The following LRRC28 variants were observed in gnomAD, a reference collection of about 807,000 sequenced individuals.
LRRC28 encodes the protein leucine rich repeat containing 28.
A neutral mutation model predicts 45.7 loss-of-function variants in LRRC28; 39 were observed. The observed-to-expected ratio is 0.85, with a 90% CI of 0.66 to 1.12. The LOEUF (loss-of-function observed/expected upper bound fraction) is 1.12. LRRC28 is among the 50% of genes most tolerant of loss of function. The probability of loss-of-function intolerance (pLI) is 0.00; values close to 1 mark genes in which losing one functional copy is unlikely to be tolerated. For synonymous variants in LRRC28, 206 were observed against 178.8 expected, an observed-to-expected ratio of 1.15 and a Z score of -1.22; for missense variants, 435 against 438.5, an observed-to-expected ratio of 0.99 and a Z score of 0.07.
chr15:99,361,075 G>C (rs1489852363), intron 7 of LRRC28: 2 of 319,904 alleles, frequency 6.3e-6, no homozygotes, highest in Non-Finnish European at 1.1e-5. Context: ...GGCCTAAGAA[G>C]GAAAGTTCCT....
intron 5 of LRRC28, chr15:99,333,501 T>C: frequency 5.5e-6 from 1 of 181,264 alleles, no homozygotes; most frequent in South Asian, 1.3e-4. Flanking sequence ...TTCATTGCTA[T>C]TATTCATAAA....
chr15:99,280,592 C>T (rs1176995205), intron 3 of LRRC28, among the ~76,000 whole-genome samples: 1 of 151,814 alleles, frequency 6.6e-6, no homozygotes, highest in African/African-American at 2.4e-5. Flanking sequence ...ATATTTGTTC[C>T]TTTGTGTGTA....
intron 3 of LRRC28, among the ~76,000 whole-genome samples, chr15:99,277,943 A>G (rs1399137725): frequency 6.6e-6 from 1 of 152,166 alleles, no homozygotes; most frequent in Non-Finnish European, 1.5e-5. Context: ...ATCGTAAATG[A>G]ATTTTGTCAT....
intron 2 of LRRC28, among the ~76,000 whole-genome samples, chr15:99,269,898 T>C (rs1229852392): frequency 6.6e-6 from 1 of 152,110 alleles, no homozygotes; most frequent in Non-Finnish European, 1.5e-5. Context: ...ACAAAGGTAA[T>C]GGTAACTAGG....
chr15:99,362,856 C>G (rs1410050535), intron 8 of LRRC28, among the ~76,000 whole-genome samples: 2 of 152,088 alleles, frequency 1.3e-5, no homozygotes, highest in African/African-American at 2.4e-5. Flanking sequence ...TTCCTTGCCT[C>G]TACCTCAGGA....
chr15:99,287,318 GT>G, intron 4 of LRRC28, 24 bp downstream of exon 4: 1 of 1,491,880 alleles, frequency 6.7e-7, no homozygotes, highest in Non-Finnish European at 9.0e-7. Context: ...AAAAATTTTA[GT>G]TAGAAGATAA....
chr15:99,273,318 G>A (rs1195093126), intron 2 of LRRC28, among the ~76,000 whole-genome samples: 3 of 147,200 alleles, frequency 2.0e-5, no homozygotes, highest in Non-Finnish European at 2.9e-5. Context: ...CTCACTGCAA[G>A]CTCTGCCTCC....
chr15:99,302,090 G>C (rs1400498622), intron 5 of LRRC28, among the ~76,000 whole-genome samples: 1 of 148,674 alleles, frequency 6.7e-6, no homozygotes. Flanking sequence ...GCAGAGGCGC[G>C]ATCTCAGCTC....
intron 9 of LRRC28, among the ~76,000 whole-genome samples, chr15:99,370,408 G>A (rs1455760792): frequency 6.6e-6 from 1 of 152,168 alleles, no homozygotes; most frequent in Admixed American, 6.5e-5. Flanking sequence ...ACACGTGTGT[G>A]TGTGTATGGT....
intron 5 of LRRC28, among the ~76,000 whole-genome samples, chr15:99,296,125 A>G (rs1289660480): frequency 6.6e-6 from 1 of 152,206 alleles, no homozygotes; most frequent in East Asian, 1.9e-4. Context: ...GTGTATTGGC[A>G]TAGGCTGCTG....
intron 2 of LRRC28, among the ~76,000 whole-genome samples, chr15:99,273,892 A>G (rs1279952030): frequency 2.0e-5 from 3 of 152,228 alleles, no homozygotes; most frequent in Admixed American, 6.5e-5. Flanking sequence ...TTTCCTTTTT[A>G]TAGGAACAGC....
intron 5 of LRRC28, among the ~76,000 whole-genome samples, chr15:99,320,439 T>A (rs1026220159): frequency 2.0e-5 from 3 of 152,152 alleles, no homozygotes; most frequent in Non-Finnish European, 4.4e-5. Flanking sequence ...AAAATAAACA[T>A]GAGTTCATGT....
chr15:99,288,473 C>A (rs1402097013), intron 5 of LRRC28, among the ~76,000 whole-genome samples: 4 of 148,854 alleles, frequency 2.7e-5, no homozygotes, highest in Non-Finnish European at 4.4e-5. Context: ...TCTCTGCCTC[C>A]CAGGTTCAAG....
intron 2 of LRRC28, among the ~76,000 whole-genome samples, chr15:99,271,512 C>T (rs1224909738): frequency 2.0e-5 from 3 of 152,174 alleles, no homozygotes; most frequent in Non-Finnish European, 4.4e-5. Context: ...CCCTTGACCT[C>T]ATGATCCACT....
intron 5 of LRRC28, among the ~76,000 whole-genome samples, chr15:99,295,865 T>G (rs1328042632): frequency 1.3e-5 from 2 of 152,178 alleles, no homozygotes; most frequent in Non-Finnish European, 2.9e-5. Flanking sequence ...GTAGTCAAAT[T>G]TATTACCATT....
At position 99,333,910 on chromosome 15, in the gene LRRC28, A is replaced by G. The variant is rs1956234550; in HGVS notation, c.386-13A>G. On this transcript the variant is annotated splice_polypyrimidine_tract_variant and intron_variant, in intron 5 of 9. Coordinates refer to ENST00000301981, the MANE Select transcript of LRRC28 (RefSeq NM_144598.5). Reference sequence around the variant, plus strand: ...AAGGATGCAATTTATCCTAATTTTGATTTTGGTTGTAGAGGTTGGCGATTT... The same window carrying G: ...AAGGATGCAATTTATCCTAATTTTGGTTTTGGTTGTAGAGGTTGGCGATTT... 6.2e-7 allele frequency: 1 copy of G among 1,613,436 alleles called. No individual in the cohort carries two copies. The highest frequency in any genetic ancestry group is 8.5e-7 in the Non-Finnish European group (1 of 1,179,572).
chr15:99,342,433 A>G (rs1418923849), intron 6 of LRRC28, among the ~76,000 whole-genome samples: 2 of 152,242 alleles, frequency 1.3e-5, no homozygotes, highest in Non-Finnish European at 1.5e-5. Context: ...TAGCTGTGGA[A>G]TCTTGGACTT....
rs1390982546 is a variant in LRRC28, at chr15:99,387,003, T to C, written c.*901T>C. The C allele has an allele frequency of 2.0e-5, 3 of 152,212 alleles. No homozygotes were observed. Among genetic ancestry groups the C allele is most frequent in the African/African-American group, 7.2e-5 (3 of 41,456 alleles). The allele number at this position is 152,212 out of a possible 1,614,324, so 9.4% of individuals were successfully genotyped here. A position where few individuals can be genotyped will look rare whatever the true frequency, so the allele number is the denominator to read the frequency against. ...TTTGATGGGTTTATGATTCAGTTTA[T>C]ACTGACTTTGAAATATTTTTGTCAC... On this transcript the variant is annotated 3_prime_UTR_variant, in exon 10 of 10. Transcript: ENST00000301981.
rs112431350 is a variant in LRRC28, at chr15:99,266,258, C to T, written c.168+10133C>T. The stretch of plus-strand genomic sequence containing the variant: ...CCTGACTTTCTGCTTCAAATATGAA[C>T]AGGCAAATGAAAAAAGAATACAGAT... On this transcript the variant is annotated intron_variant, in intron 2 of 9. Coordinates refer to ENST00000301981, the MANE Select transcript of LRRC28 (RefSeq NM_144598.5). 9.9e-5 allele frequency among the ~76,000 whole-genome samples: 15 copies of T among 152,164 alleles called. 3 individuals are homozygous for T. Among genetic ancestry groups the T allele is most frequent in the African/African-American group, 3.6e-4 (15 of 41,522 alleles).
Sources: allele counts gnomAD v4.1 joint callset (sites outside exome capture counted in the v4.1 genomes callset), GRCh38; gene constraint gnomAD v4.1.1; transcripts MANE v1.5; gene names NCBI Gene and HGNC (gene_info 2026-07-23, HGNC 2026-07-21).